Variants in HOXA3 observed in about 807,000 individuals in gnomAD.
HOXA3 encodes homeobox protein Hox-A3.
Under a neutral mutation model 30.3 loss-of-function variants are expected in HOXA3, and 8 were observed. The ratio of observed to expected loss-of-function variants is 0.26; its 90% confidence interval spans 0.15 to 0.48. HOXA3 has a LOEUF of 0.48. Among genes scored for constraint, HOXA3 ranks in the 20% least tolerant of loss-of-function variants. The pLI, the probability that HOXA3 is intolerant of heterozygous loss-of-function variation, is 0.99. For missense variants in HOXA3, 653 were observed against 614.4 expected (o/e 1.06, Z -0.66); for synonymous variants, 323 against 273.1 (o/e 1.18, Z -1.80).
chr7:27,129,450 G>C, intron 2 of HOXA3: 2 of 1,614,222 alleles, frequency 1.2e-6, no homozygotes, highest in Non-Finnish European at 1.7e-6. Context: ...GGGCGATCTC[G>C]ATGCGGCGCC....
At chr7:27,139,381 CG>C (rs1785822963) in intron 2 of HOXA3, among the ~76,000 whole-genome samples, 1 of 152,170 alleles carries the variant, frequency 6.6e-6, no homozygotes, top group Admixed American at 6.5e-5. Flanking sequence ...GTCCAGTGGG[CG>C]CTAGCAGCCC....
intron 1 of HOXA3, chr7:27,145,813 G>C (rs549373477): frequency 1.2e-6 from 2 of 1,614,274 alleles, no homozygotes; most frequent in African/African-American, 2.7e-5. Context: ...ATGCGGCGGC[G>C]CCGTGTCAGG....
intron 4 of HOXA3, among the ~76,000 whole-genome samples, chr7:27,112,424 C>A (rs1784430142): frequency 6.6e-6 from 1 of 152,154 alleles, no homozygotes; most frequent in East Asian, 1.9e-4. Context: ...ATTAAGCCAA[C>A]AATCTTACCA....
At chr7:27,144,138 T>C (rs1366391262) in intron 1 of HOXA3, among the ~76,000 whole-genome samples, 1 of 152,242 alleles carries the variant, frequency 6.6e-6, no homozygotes, top group African/African-American at 2.4e-5. Flanking sequence ...ACAACAACTT[T>C]ATTTCCCCCG....
rs769654378 is a variant in HOXA3 at position 27,110,373 on chromosome 7, G to T, written c.268C>A (p.Leu90Met). The change falls in exon 5 of 6, where the codon CTG becomes ATG. Residue 90 changes from leucine to methionine, a missense_variant. Transcript: ENST00000612286. ...SQPPSLGEPP[L>M]HPPPPQAAPP... ...GCGGCCTGGGGCGGCGGCGGGTGCAGGGGCGGCTCTCCCAGGCTTGGAGGC... is the reference window on the plus strand; with the variant it reads ...GCGGCCTGGGGCGGCGGCGGGTGCATGGGCGGCTCTCCCAGGCTTGGAGGC... 7 of 1,516,666 alleles carry T rather than the reference G, an allele frequency of 4.6e-6. No homozygotes were observed. Among genetic ancestry groups the T allele is most frequent in the Admixed American group, 4.1e-5 (2 of 48,244 alleles). The allele number at this position is 1,516,666 out of a possible 1,614,324, so 94.0% of individuals were successfully genotyped here. A position where few individuals can be genotyped will look rare whatever the true frequency, so the allele number is the denominator to read the frequency against.
In HOXA3 at chr7:27,107,727, G is replaced by C. The variant is rs186936655; in HGVS notation, c.*188C>G. On this transcript the variant is annotated 3_prime_UTR_variant, in exon 6 of 6. Coordinates refer to ENST00000612286, the MANE Select transcript of HOXA3 (RefSeq NM_153631.3). ...CCATTCCAGCAACCAAGATTGCTAC[G>C]TCACATAAACTATAAAAACGCCTTA... is the stretch of plus-strand genomic sequence containing the variant. 182 of 467,244 alleles carry C rather than the reference G, an allele frequency of 3.9e-4. No individual in the cohort carries two copies. The highest frequency in any genetic ancestry group is 3.2e-3 in the African/African-American group (160 of 49,974). The allele number at this position is 467,244 out of a possible 1,614,324, so 28.9% of individuals were successfully genotyped here.
At chr7:27,145,690 C>G (rs1189764085) in intron 1 of HOXA3, 1 of 1,614,036 alleles carries the variant, frequency 6.2e-7, no homozygotes, top group Non-Finnish European at 8.5e-7. Flanking sequence ...GAGTCCTCCC[C>G]GCTGGGCTGC....
At chr7:27,115,124 G>C (rs1433272488) in intron 4 of HOXA3, among the ~76,000 whole-genome samples, 3 of 151,258 alleles carry the variant, frequency 2.0e-5, no homozygotes, top group Non-Finnish European at 4.4e-5. Flanking sequence ...TCAAAGGAAG[G>C]TGTTAAAAAT....
intron 4 of HOXA3, among the ~76,000 whole-genome samples, chr7:27,121,462 A>C (rs1785011364): frequency 6.6e-6 from 1 of 152,184 alleles, no homozygotes; most frequent in South Asian, 2.1e-4. Flanking sequence ...AATTCCTGAA[A>C]TGTTCCATCT....
chr7:27,147,440 G>A, intron 1 of HOXA3: 2 of 1,614,208 alleles, frequency 1.2e-6, no homozygotes, highest in Non-Finnish European at 1.7e-6. Flanking sequence ...GGAGAAAAGT[G>A]CAGGTAGTCC....
chr7:27,137,963 C>G (rs890556917), intron 2 of HOXA3, among the ~76,000 whole-genome samples: 1 of 150,316 alleles, frequency 6.7e-6, no homozygotes, highest in Non-Finnish European at 1.5e-5. Context: ...TTTTTTTTTT[C>G]TAATTTCAAT....
In HOXA3 at chr7:27,107,989, T is replaced by A; in HGVS notation, c.1258A>T (p.Thr420Ser). ...TGGTGGCCGGTAAGGTCCGTGTAGG[T>A]GGGGTGCGGCTCCCCAGGCCCCGGC... Reference protein sequence around the residue: ...HGPGPGEPHPTYTDLTGHHPS... With the variant: ...HGPGPGEPHPSYTDLTGHHPS... The change falls in exon 6 of 6, where the codon ACC (threonine) becomes TCC (serine). Residue 420 changes from threonine to serine, a missense_variant. By Grantham distance (58) the Thr-to-Ser change is moderately conservative. Around this residue, in one of 3 missense-constraint regions of HOXA3, gnomAD observed 330 missense variants for 274.4 expected, o/e 1.20. Coordinates refer to ENST00000612286, the MANE Select transcript of HOXA3 (RefSeq NM_153631.3). 3 of 1,611,106 alleles carry A rather than the reference T, an allele frequency of 1.9e-6. No individual in the cohort carries two copies. The highest frequency in any genetic ancestry group is 2.5e-6 in the Non-Finnish European group (3 of 1,178,210).
chr7:27,109,055 G>A (rs1271519382), intron 5 of HOXA3, among the ~76,000 whole-genome samples: 2 of 152,164 alleles, frequency 1.3e-5, no homozygotes, highest in African/African-American at 4.8e-5. Context: ...CAGCCTCCCT[G>A]TGGGCCGGTC....
At chr7:27,114,846 A>ATATATATTATATATATTATATAT (rs1784609833) in intron 4 of HOXA3, among the ~76,000 whole-genome samples, 1 of 75,334 alleles carries the variant, frequency 1.3e-5, no homozygotes, top group Non-Finnish European at 2.9e-5. Flanking sequence ...TATATATATA[A>ATATATATTATATATATTATATAT]TATATATTAT....
chr7:27,117,600 G>A (rs1784789206), intron 4 of HOXA3, among the ~76,000 whole-genome samples: 1 of 152,150 alleles, frequency 6.6e-6, no homozygotes, highest in Non-Finnish European at 1.5e-5. Flanking sequence ...TAAACAAAGT[G>A]CCTGGAAGCA....
In HOXA3 at chr7:27,108,540, T is replaced by C. The variant is rs781146610; in HGVS notation, c.707A>G (p.Lys236Arg). The C allele has an allele frequency of 6.2e-7, 1 of 1,614,042 alleles. No individual in the cohort carries two copies. Among genetic ancestry groups the C allele is most frequent in the South Asian group, 1.1e-5 (1 of 91,090 alleles). ...CATGCGGCGATTCTGGAACCAGATC[T>C]TGATCTGGCGCTCAGTGAGGTTCAG... ...NLLNLTERQI[K>R]IWFQNRRMKY... Residue 236 changes from lysine (K) to arginine (R), a missense_variant, in exon 6 of 6, where the codon AAG (lysine) becomes AGG (arginine). By Grantham distance (26) the Lys-to-Arg change is conservative. Around this residue, in one of 3 missense-constraint regions of HOXA3, gnomAD observed 3 missense variants for 18.1 expected, o/e 0.17. Transcript: ENST00000612286. The surrounding 1 kb of genome is among the most constrained non-coding windows in gnomAD (Gnocchi z 5.0).
chr7:27,108,177 G>A lies in HOXA3; in HGVS notation c.1070C>T (p.Thr357Ile). The change falls in exon 6 of 6, where the codon ACC (threonine) becomes ATC (isoleucine). Residue 357 changes from threonine to isoleucine, a missense_variant. By Grantham distance (89) the Thr-to-Ile change is moderately conservative. Around this residue, in one of 3 missense-constraint regions of HOXA3, gnomAD observed 330 missense variants for 274.4 expected, o/e 1.20. Coordinates refer to ENST00000612286, the MANE Select transcript of HOXA3 (RefSeq NM_153631.3). This position sits in a 1 kb window ranked among gnomAD's most constrained non-coding sequence, Gnocchi z 5.0. The part of the protein sequence containing the change: ...HGLQGNGSYG[T>I]PHIQGSPVFV... ...GACGGGGCTTCCCTGTATGTGTGGG[G>A]TCCCATAGCTGCCGTTGCCCTGCAG... 1 of 1,557,720 alleles carries A rather than the reference G, an allele frequency of 6.4e-7. No individual in the cohort carries two copies.
chr7:27,108,196 C>T lies in HOXA3; in HGVS notation c.1051G>A (p.Gly351Ser). The T allele has an allele frequency of 6.5e-7, 1 of 1,544,954 alleles. No homozygotes were observed. The highest frequency in any genetic ancestry group is 8.7e-7 in the Non-Finnish European group (1 of 1,143,806). Reference sequence around the variant, plus strand: ...TGTGGGGTCCCATAGCTGCCGTTGCCCTGCAGGCCATGAGCGTGCGGGTCA... The same window carrying T: ...TGTGGGGTCCCATAGCTGCCGTTGCTCTGCAGGCCATGAGCGTGCGGGTCA... ...DYDPHAHGLQ[G>S]NGSYGTPHIQ... Residue 351 changes from glycine (G) to serine (S), a missense_variant, in exon 6 of 6, where the codon GGC becomes AGC. Around this residue, in one of 3 missense-constraint regions of HOXA3, gnomAD observed 330 missense variants for 274.4 expected, o/e 1.20. Transcript: ENST00000612286. This position sits in a 1 kb window ranked among gnomAD's most constrained non-coding sequence, Gnocchi z 5.0.
At position 27,126,241 on chromosome 7, in the gene HOXA3, G is replaced by A. The variant is rs535142034; in HGVS notation, c.-205+645C>T. 2.4e-3 allele frequency among the ~76,000 whole-genome samples: 372 copies of A among 152,252 alleles called. 1 individual carries two copies. Among genetic ancestry groups the A allele is most frequent in the Admixed American group, 4.0e-3 (61 of 15,296 alleles). On this transcript the variant is annotated intron_variant, in intron 3 of 5. Transcript: ENST00000612286. ...AAGTGTCTCCTATCCGATTTAGGTCGATTTCAGATGTTGACAAAACTTTTG... is the reference window on the plus strand; with the variant it reads ...AAGTGTCTCCTATCCGATTTAGGTCAATTTCAGATGTTGACAAAACTTTTG...
Sources: allele counts gnomAD v4.1 joint callset (sites outside exome capture counted in the v4.1 genomes callset), GRCh38; gene constraint gnomAD v4.1.1; regional missense constraint gnomAD v4.1.1; non-coding constraint Gnocchi (gnomAD v3.1); transcripts MANE v1.5; gene names NCBI Gene and HGNC (gene_info 2026-07-23, HGNC 2026-07-21).